EPS8L1: variants seen among roughly 807,000 people sequenced by gnomAD.
EPS8L1 encodes the protein epidermal growth factor receptor kinase substrate 8-like protein 1.
EPS8L1 carries 101 observed loss-of-function variants against 91.7 expected under a neutral mutation model. That is an observed-to-expected ratio of 1.10 (90% CI 0.94 to 1.30). EPS8L1 has a LOEUF of 1.30. Among genes scored for constraint, EPS8L1 ranks in the 50% most tolerant of loss-of-function variants. EPS8L1 has a pLI of 0.00. For synonymous variants in EPS8L1, 506 were observed against 445.3 expected, an observed-to-expected ratio of 1.14 and a Z score of -1.72; for missense variants, 1,114 against 1,017.0, an observed-to-expected ratio of 1.10 and a Z score of -1.30.
intron 4 of EPS8L1, 23 bp from the exon 5 acceptor site, chr19:55,079,664 ACTG>A (rs1568779234): frequency 6.2e-7 from 1 of 1,605,534 alleles, no homozygotes; most frequent in Admixed American, 1.7e-5. Flanking sequence ...CTTGGGCCTC[ACTG>A]CTTTCTCCAT....
chr19:55,076,283 G>A, intron 1 of EPS8L1, 125 bp from the exon 2 acceptor site: 1 of 779,598 alleles, frequency 1.3e-6, no homozygotes, highest in South Asian at 1.9e-5. Context: ...GAGGGGCTGG[G>A]GGCCTGGACT....
chr19:55,085,902 G>A lies in EPS8L1; in HGVS notation c.1447G>A (p.Val483Ile), dbSNP rs1324997015. 1.9e-6 allele frequency: 3 copies of A among 1,613,584 alleles called. No individual in the cohort carries two copies. The highest frequency in any genetic ancestry group is 1.7e-6 in the Non-Finnish European group (2 of 1,179,848). ...QLESETAGKWVLCNYDFQARN... is the reference protein window; with the variant it reads ...QLESETAGKWILCNYDFQARN... Reference sequence around the variant, plus strand: ...GGAGTCAGAGACAGCAGGAAAATGGGTCCTGTGTAATTATGACTTCCAGGC... The same window carrying A: ...GGAGTCAGAGACAGCAGGAAAATGGATCCTGTGTAATTATGACTTCCAGGC... Residue 483 changes from valine (V) to isoleucine (I), a missense_variant, in exon 15 of 20, where the codon GTC (valine) becomes ATC (isoleucine). Transcript: ENST00000201647.
At chr19:55,076,586 G>C in intron 2 of EPS8L1, 125 bp downstream of exon 2, 1 of 1,180,292 alleles carries the variant, frequency 8.5e-7, no homozygotes, top group Non-Finnish European at 1.2e-6. Context: ...CCCAAGCCCC[G>C]ACACTCAGGA....
At position 55,081,644 on chromosome 19, in the gene EPS8L1, GTGGGGCGTGGCCAGGTGTT is replaced by G. The variant is rs1180365131; in HGVS notation, c.775-116_775-98del. ...GCTGGGTCGGGGGCGGGGCTTGGTTGTGGGGCGTGGCCAGGTGTTTGGGGCGTGGCCTGATCTGGGGAAG... is the reference window on the plus strand; with the variant it reads ...GCTGGGTCGGGGGCGGGGCTTGGTTGTGGGGCGTGGCCTGATCTGGGGAAG... On this transcript the variant is annotated intron_variant, in intron 8 of 19. Coordinates refer to ENST00000201647, the MANE Select transcript of EPS8L1 (RefSeq NM_133180.3). The surrounding 1 kb of genome is among the most constrained non-coding windows in gnomAD (Gnocchi z 4.9). The G allele has an allele frequency of 8.9e-6, 13 of 1,453,226 alleles. No homozygotes were observed. Among genetic ancestry groups the G allele is most frequent in the East Asian group, 4.8e-5 (2 of 42,090 alleles). The allele number at this position is 1,453,226 out of a possible 1,614,324, so 90.0% of individuals were successfully genotyped here. A position where few individuals can be genotyped will look rare whatever the true frequency, so the allele number is the denominator to read the frequency against.
chr19:55,078,445 G>C (rs562869967), intron 3 of EPS8L1, among the ~76,000 whole-genome samples: 2 of 1,018 alleles, frequency 2.0e-3, no homozygotes, highest in Admixed American at 6.7e-3. Flanking sequence ...GGGCTGGGGG[G>C]CTGGACTCCT....
chr19:55,080,234 C>G lies in EPS8L1; in HGVS notation c.385C>G (p.Arg129Gly), dbSNP rs898857694. Residue 129 changes from arginine (R) to glycine (G), a missense_variant, in exon 6 of 20, where the codon CGC becomes GGC. By Grantham distance (125) the Arg-to-Gly change is moderately radical (BLOSUM62 -2). Coordinates refer to ENST00000201647, the MANE Select transcript of EPS8L1 (RefSeq NM_133180.3). ...LLLLVCQEPE[R>G]AQPDVHFFQG... ...GCTGCTCGTGTGCCAGGAACCCGAG[C>G]GCGCGCAGCCCGACGTGCACTTCTT... 1 of 1,536,362 alleles carries G rather than the reference C, an allele frequency of 6.5e-7. No homozygotes were observed. The highest frequency in any genetic ancestry group is 1.4e-5 in the African/African-American group (1 of 72,792).
chr19:55,081,722 G>A lies in EPS8L1; in HGVS notation c.775-51G>A. ...TGCTCAGGTTCAGGGCTTCGACGGG[G>A]ATGGTTTTGGAACTCGGGAGCCCTG... On this transcript the variant is annotated intron_variant, in intron 8 of 19. Coordinates refer to ENST00000201647, the MANE Select transcript of EPS8L1 (RefSeq NM_133180.3). This position sits in a 1 kb window ranked among gnomAD's most constrained non-coding sequence, Gnocchi z 4.9. 6.4e-7 allele frequency: 1 copy of A among 1,563,898 alleles called. No homozygotes were observed. Among genetic ancestry groups the A allele is most frequent in the Non-Finnish European group, 8.7e-7 (1 of 1,153,010 alleles).
Position 55,083,587 on chromosome 19 carries a change from G to C in EPS8L1, c.1357-29G>C, listed in dbSNP as rs1450044750. ...GGGCGCGGCCGGTCCGCCTGGCCCC[G>C]CCTGACCCGACTGTCTTACTTCCTA... On this transcript the variant is annotated intron_variant, in intron 13 of 19. Coordinates refer to ENST00000201647, the MANE Select transcript of EPS8L1 (RefSeq NM_133180.3). This position sits in a 1 kb window ranked among gnomAD's most constrained non-coding sequence, Gnocchi z 4.7. The C allele has an allele frequency of 3.8e-6, 6 of 1,594,824 alleles. No individual in the cohort carries two copies. Among genetic ancestry groups the C allele is most frequent in the Non-Finnish European group, 5.1e-6 (6 of 1,171,108 alleles).
intron 6 of EPS8L1, 114 bp downstream of exon 6, chr19:55,080,392 A>G (rs1414647390): frequency 6.4e-7 from 1 of 1,563,816 alleles, no homozygotes; most frequent in Non-Finnish European, 8.7e-7. Context: ...AGGCGGGATC[A>G]GAGCAAGGAA....
In EPS8L1 at chr19:55,085,871, T is replaced by G. The variant is rs2076347091; in HGVS notation, c.1416T>G (p.Pro472=). ...GAGACTTGGAGCCAGAATCTGAGCC[T>G]CAGCTGGAGTCAGAGACAGCAGGAA... ...GHRDLEPESE[P]QLESETAGKW... is the part of the protein sequence containing the mutation. The change falls in exon 15 of 20, where the codon CCT becomes CCG. Residue 472 remains proline (P), a synonymous_variant. Coordinates refer to ENST00000201647, the MANE Select transcript of EPS8L1 (RefSeq NM_133180.3). The G allele has an allele frequency of 1.2e-6, 2 of 1,612,532 alleles. No homozygotes were observed.
In EPS8L1 at chr19:55,081,004, G is replaced by A; in HGVS notation, c.512+150G>A. On this transcript the variant is annotated intron_variant, in intron 7 of 19. Coordinates refer to ENST00000201647, the MANE Select transcript of EPS8L1 (RefSeq NM_133180.3). This position sits in a 1 kb window ranked among gnomAD's most constrained non-coding sequence, Gnocchi z 4.9. Reference sequence around the variant, plus strand: ...CTTGTCTGTACCTCCCAGACGAGCTGACCCCTTCTCCAGAACTCTGCTTCT... The same window carrying A: ...CTTGTCTGTACCTCCCAGACGAGCTAACCCCTTCTCCAGAACTCTGCTTCT... 1 of 904,084 alleles carries A rather than the reference G, an allele frequency of 1.1e-6. No individual in the cohort carries two copies. Among genetic ancestry groups the A allele is most frequent in the Non-Finnish European group, 1.6e-6 (1 of 610,338 alleles). 56.0% of individuals were successfully genotyped at this position (904,084 alleles called of 1,614,324 possible).
Position 55,086,382 on chromosome 19 carries a change from T to C in EPS8L1, c.1651-10T>C, listed in dbSNP as rs547834005. The C allele has an allele frequency of 6.3e-7, 1 of 1,586,728 alleles. No individual in the cohort carries two copies. The highest frequency in any genetic ancestry group is 8.6e-7 in the Non-Finnish European group (1 of 1,165,312). On this transcript the variant is annotated splice_polypyrimidine_tract_variant and intron_variant, in intron 16 of 19. Coordinates refer to ENST00000201647, the MANE Select transcript of EPS8L1 (RefSeq NM_133180.3). ...CCCTAACCCAGGTACTCTCCTCTCC[T>C]TCCTTTCAGAACAGCACTCCTCCTC...
At position 55,082,465 on chromosome 19, in the gene EPS8L1, G is replaced by T. The variant is rs1383534756; in HGVS notation, c.1077G>T (p.Thr359=). 1 of 1,612,462 alleles carries T rather than the reference G, an allele frequency of 6.2e-7. No individual in the cohort carries two copies. The highest frequency in any genetic ancestry group is 2.2e-5 in the East Asian group (1 of 44,852). ...LFGPLQMIVN[T]SGGPEFASSV... ...TGCTCCCCTGACAGATTGTGAACAC[G>T]TCGGGGGGGCCGGAGTTCGCGAGCA... The change falls in exon 12 of 20, where the codon ACG becomes ACT. Residue 359 remains threonine (T), a synonymous_variant. Transcript: ENST00000201647.
intron 2 of EPS8L1, 144 bp downstream of exon 2, chr19:55,076,605 G>A (rs1450096578): frequency 2.0e-6 from 2 of 1,024,692 alleles, no homozygotes; most frequent in African/African-American, 3.2e-5. Context: ...GAGGAAGCCA[G>A]AGCCTCTCTC....
chr19:55,087,684 T>C lies in EPS8L1; in HGVS notation c.*70T>C, dbSNP rs2076368115. On this transcript the variant is annotated 3_prime_UTR_variant, in exon 20 of 20. Transcript: ENST00000201647. ...AACGGACTCCTCAGACTCTCCCCAA[T>C]AGCGGAAGTCGATCTTCTGAAGGAT... 2.0e-6 allele frequency: 3 copies of C among 1,506,890 alleles called. No individual in the cohort carries two copies. Among genetic ancestry groups the C allele is most frequent in the African/African-American group, 2.8e-5 (2 of 72,540 alleles). The allele number at this position is 1,506,890 out of a possible 1,614,324, so 93.3% of individuals were successfully genotyped here. A position where few individuals can be genotyped will look rare whatever the true frequency, so the allele number is the denominator to read the frequency against.
chr19:55,083,486 G>A lies in EPS8L1; in HGVS notation c.1323G>A (p.Glu441=), dbSNP rs1227415065. The part of the protein sequence containing the change: ...PQSRAWEDPV[E]KQLQHERRRR... ...GCCGCGCCTGGGAGGACCCAGTTGA[G>A]AAACAGCTACAGCACGAGCGGAGGC... is the stretch of plus-strand genomic sequence containing the variant. Residue 441 remains glutamate (E), a synonymous_variant, in exon 13 of 20, where the codon GAG becomes GAA. Coordinates refer to ENST00000201647, the MANE Select transcript of EPS8L1 (RefSeq NM_133180.3). This position sits in a 1 kb window ranked among gnomAD's most constrained non-coding sequence, Gnocchi z 4.7. 1 of 1,612,210 alleles carries A rather than the reference G, an allele frequency of 6.2e-7. No individual in the cohort carries two copies. Among genetic ancestry groups the A allele is most frequent in the African/African-American group, 1.3e-5 (1 of 74,926 alleles).
chr19:55,081,765 TC>T lies in EPS8L1; in HGVS notation c.775-4del. ...GAGCCCTGAGCGTCCCCCTCCTCTG[TC>T]CCCTAGGACATCCTGAACCACGTGT... is the stretch of plus-strand genomic sequence containing the variant. On this transcript the variant is annotated splice_polypyrimidine_tract_variant and splice_region_variant and intron_variant, in intron 8 of 19. Transcript: ENST00000201647. This position sits in a 1 kb window ranked among gnomAD's most constrained non-coding sequence, Gnocchi z 4.9. 6.2e-7 allele frequency: 1 copy of T among 1,602,870 alleles called. No individual in the cohort carries two copies. The highest frequency in any genetic ancestry group is 8.5e-7 in the Non-Finnish European group (1 of 1,173,134).
chr19:55,083,515 G>T lies in EPS8L1; in HGVS notation c.1352G>T (p.Arg451Leu), dbSNP rs765088412. 6.2e-7 allele frequency: 1 copy of T among 1,609,632 alleles called. No homozygotes were observed. Among genetic ancestry groups the T allele is most frequent in the Non-Finnish European group, 8.5e-7 (1 of 1,178,358 alleles). The change falls in exon 13 of 20, where the codon CGG becomes CTG. Residue 451 changes from arginine (R) to leucine (L), a missense_variant. Coordinates refer to ENST00000201647, the MANE Select transcript of EPS8L1 (RefSeq NM_133180.3). The surrounding 1 kb of genome is among the most constrained non-coding windows in gnomAD (Gnocchi z 4.7). ...EKQLQHERRR[R>L]QQSAPQVAVN... Reference sequence around the variant, plus strand: ...CAGCTACAGCACGAGCGGAGGCGCCGGCAGGTGACCCAAGCGACACAGCAG... The same window carrying T: ...CAGCTACAGCACGAGCGGAGGCGCCTGCAGGTGACCCAAGCGACACAGCAG...
At chr19:55,082,879 CAGGGGCGGGGCTACGCGA>C (rs1450401594) in intron 12 of EPS8L1, among the ~76,000 whole-genome samples, 4 of 94,506 alleles carry the variant, frequency 4.2e-5, no homozygotes, top group East Asian at 2.4e-4. Flanking sequence ...GGCTACGGGG[CAGGGGCGGGGCTACGCGA>C]AGGGGCGGGG....
Sources: allele counts gnomAD v4.1 joint callset (sites outside exome capture counted in the v4.1 genomes callset), GRCh38; gene constraint gnomAD v4.1.1; non-coding constraint Gnocchi (gnomAD v3.1); transcripts MANE v1.5; gene names NCBI Gene and HGNC (gene_info 2026-07-23, HGNC 2026-07-21).